ACOXL: variants seen among roughly 807,000 people sequenced by gnomAD.
ACOXL encodes the protein acyl-coenzyme A oxidase-like protein.
Under a neutral mutation model 71.9 loss-of-function variants are expected in ACOXL, and 70 were observed. That is an observed-to-expected ratio of 0.97 (90% CI 0.80 to 1.19). The LOEUF is 1.19. Among genes scored for constraint, ACOXL ranks in the 50% most tolerant of loss-of-function variants. The pLI is 0.00. For missense variants in ACOXL, 703 were observed against 736.3 expected (o/e 0.95, Z 0.52); for synonymous variants, 253 against 281.6 (o/e 0.90, Z 1.02).
Position 110,987,097 on chromosome 2 carries a change from TC to T in ACOXL, c.1060-10del, listed in dbSNP as rs2062965992. On this transcript the variant is annotated splice_polypyrimidine_tract_variant and intron_variant, in intron 12 of 17. Transcript: ENST00000439055. ...CTGCTGAGACTGATGAGCGATAAAC[TC>T]TTTGCACAGGTTGTGGGGCGGGAAC... 5 of 1,559,106 alleles carry T rather than the reference TC, an allele frequency of 3.2e-6. No homozygotes were observed. The highest frequency in any genetic ancestry group is 4.4e-6 in the Non-Finnish European group (5 of 1,149,300).
At chr2:110,917,089 G>A (rs2059889197) in intron 11 of ACOXL, among the ~76,000 whole-genome samples, 1 of 152,110 alleles carries the variant, frequency 6.6e-6, no homozygotes, top group Non-Finnish European at 1.5e-5. Context: ...CCAAAACTTA[G>A]CAGAGACACA....
At chr2:110,994,488 G>A (rs1370793973) in intron 13 of ACOXL, among the ~76,000 whole-genome samples, 5 of 151,850 alleles carry the variant, frequency 3.3e-5, no homozygotes, top group Non-Finnish European at 4.4e-5. Flanking sequence ...TTTGAGTCTT[G>A]TAATAACTTA....
intron 7 of ACOXL, among the ~76,000 whole-genome samples, chr2:110,800,079 G>C (rs1685782817): frequency 6.6e-6 from 1 of 152,234 alleles, no homozygotes; most frequent in Admixed American, 6.5e-5. Flanking sequence ...GGCCACCCCA[G>C]CCAGCAGTGG....
chr2:110,943,252 GAAAA>G (rs776949067), intron 12 of ACOXL, among the ~76,000 whole-genome samples: 38 of 133,084 alleles, frequency 2.9e-4, no homozygotes, highest in Non-Finnish European at 4.6e-4. Context: ...GAAAGAAAAA[GAAAA>G]GAAAGGAGGG....
At chr2:110,843,099 C>A (rs1280052013) in intron 10 of ACOXL, among the ~76,000 whole-genome samples, 1 of 152,156 alleles carries the variant, frequency 6.6e-6, no homozygotes, top group Non-Finnish European at 1.5e-5. Context: ...AGTGCTCTCT[C>A]CAGAACTTGC....
chr2:110,901,641 G>A (rs112254511), intron 10 of ACOXL, among the ~76,000 whole-genome samples: 215 of 92,434 alleles, frequency 2.3e-3, no homozygotes, highest in African/African-American at 8.3e-3. Context: ...ATATCTCTAC[G>A]CCACACACAC....
rs540458753 is a variant in ACOXL at position 110,960,790 on chromosome 2, G to C, written c.1060-26318G>C. 3.0e-4 allele frequency among the ~76,000 whole-genome samples: 45 copies of C among 151,712 alleles called. 1 individual carries two copies. Among genetic ancestry groups the C allele is most frequent in the African/African-American group, 1.1e-3 (44 of 41,334 alleles). On this transcript the variant is annotated intron_variant, in intron 12 of 17. Transcript: ENST00000439055. ...TTAGTTAAAAAATGATGCAGACACA[G>C]ATGCATAAACTGTTTATAATCATTT...
At chr2:111,078,315 A>C (rs1213444356) in intron 16 of ACOXL, among the ~76,000 whole-genome samples, 1 of 152,006 alleles carries the variant, frequency 6.6e-6, no homozygotes, top group Non-Finnish European at 1.5e-5. Context: ...CCCAGGCTAG[A>C]GTGCAATGGC....
chr2:110,884,212 G>A (rs1221500357), intron 10 of ACOXL, among the ~76,000 whole-genome samples: 3 of 152,204 alleles, frequency 2.0e-5, no homozygotes, highest in Non-Finnish European at 2.9e-5. Context: ...CGAACAAAGA[G>A]AAGCAGTTGT....
intron 14 of ACOXL, among the ~76,000 whole-genome samples, chr2:110,998,138 C>T (rs2063478727): frequency 6.6e-6 from 1 of 151,958 alleles, no homozygotes; most frequent in South Asian, 2.1e-4. Flanking sequence ...CTGTAATAGT[C>T]TATACGAATT....
At chr2:110,895,886 A>G (rs1352722496) in intron 10 of ACOXL, among the ~76,000 whole-genome samples, 7 of 152,128 alleles carry the variant, frequency 4.6e-5, no homozygotes, top group Non-Finnish European at 1.5e-5. Context: ...TGCTAAGGAA[A>G]TTTTTCTAAA....
At chr2:111,079,349 T>C (rs1483633454) in intron 16 of ACOXL, among the ~76,000 whole-genome samples, 1 of 152,174 alleles carries the variant, frequency 6.6e-6, no homozygotes, top group Non-Finnish European at 1.5e-5. Flanking sequence ...AGTGAGAACA[T>C]GTAATATTTG....
At chr2:110,869,074 G>A (rs1480350830) in intron 10 of ACOXL, among the ~76,000 whole-genome samples, 5 of 152,096 alleles carry the variant, frequency 3.3e-5, no homozygotes, top group Non-Finnish European at 7.3e-5. Flanking sequence ...TACTTTTATC[G>A]TCACAATTCT....
In ACOXL at chr2:111,046,107, C is replaced by T. The variant is rs1473792067; in HGVS notation, c.1370-3111C>T. ...TGTGTCATGTGTCACATCAAGGCATCGAACAGGGAACAGGGGAGACTTAGA... is the reference window on the plus strand; with the variant it reads ...TGTGTCATGTGTCACATCAAGGCATTGAACAGGGAACAGGGGAGACTTAGA... On this transcript the variant is annotated intron_variant, in intron 15 of 17. Transcript: ENST00000439055. 3.3e-5 allele frequency among the ~76,000 whole-genome samples: 5 copies of T among 152,314 alleles called. No individual in the cohort carries two copies. In the South Asian group the frequency reaches 1.0e-3, roughly 32 times the overall value.
At chr2:110,777,675 A>G (rs1682818538) in intron 2 of ACOXL, among the ~76,000 whole-genome samples, 2 of 152,332 alleles carry the variant, frequency 1.3e-5, no homozygotes, top group East Asian at 1.9e-4. Context: ...GCTAGAGTGC[A>G]TCCATCACAG....
At chr2:110,755,894 C>T (rs567192999) in intron 1 of ACOXL, among the ~76,000 whole-genome samples, 1 of 151,740 alleles carries the variant, frequency 6.6e-6, no homozygotes, top group Non-Finnish European at 1.5e-5. Context: ...TCTAGTGTGT[C>T]CTTAAAGAAA....
At chr2:110,970,775 T>C (rs1486582512) in intron 12 of ACOXL, among the ~76,000 whole-genome samples, 3 of 152,138 alleles carry the variant, frequency 2.0e-5, no homozygotes, top group Non-Finnish European at 4.4e-5. Context: ...CCACAGGCAA[T>C]AAACTGAACC....
intron 12 of ACOXL, among the ~76,000 whole-genome samples, chr2:110,936,582 C>T (rs1430231274): frequency 6.6e-6 from 1 of 152,116 alleles, no homozygotes; most frequent in African/African-American, 2.4e-5. Context: ...TTTGCCTAAC[C>T]TGTCTATAAA....
intron 12 of ACOXL, among the ~76,000 whole-genome samples, chr2:110,977,868 G>A (rs1408947966): frequency 2.0e-5 from 3 of 152,202 alleles, no homozygotes; most frequent in Admixed American, 6.5e-5. Flanking sequence ...TATAGTCTAA[G>A]TAGTATACAC....
Sources: gnomAD v4.1 joint callset for allele counts (sites outside exome capture counted in the v4.1 genomes callset) on GRCh38, gnomAD v4.1.1 for gene constraint, MANE v1.5 for transcripts, NCBI Gene and HGNC (gene_info 2026-07-23, HGNC 2026-07-21) for gene names.